Variants in CDH12 observed in about 807,000 individuals in gnomAD.
CDH12 encodes the protein cadherin-12.
CDH12 carries 41 observed loss-of-function variants against 74.1 expected under a neutral mutation model. That is an observed-to-expected ratio of 0.55 (90% CI 0.43 to 0.72). The LOEUF is 0.72. CDH12 is among the 30% of genes least tolerant of loss of function. CDH12 has a pLI of 0.00. For synonymous variants in CDH12, 399 were observed against 355.0 expected (o/e 1.12, Z -1.39); for missense variants, 945 against 977.2 (o/e 0.97, Z 0.44).
chr5:22,219,481 T>A (rs1380320660), intron 3 of CDH12, among the ~76,000 whole-genome samples: 1 of 151,706 alleles, frequency 6.6e-6, no homozygotes, highest in African/African-American at 2.4e-5. Context: ...CAAAAGTCAA[T>A]AATTTGCTGC....
intron 4 of CDH12, among the ~76,000 whole-genome samples, chr5:22,164,470 G>A (rs963628228): frequency 4.6e-5 from 7 of 152,184 alleles, no homozygotes; most frequent in Non-Finnish European, 2.9e-5. Flanking sequence ...GGAAGTCAGC[G>A]GAGGGTCTGT....
At chr5:21,936,546 C>T (rs1030177731) in intron 6 of CDH12, among the ~76,000 whole-genome samples, 10 of 152,068 alleles carry the variant, frequency 6.6e-5, no homozygotes, top group Non-Finnish European at 1.3e-4. Context: ...CAAATAATAG[C>T]TACAAATTTT....
At chr5:22,788,420 C>T (rs547546626) in intron 1 of CDH12, among the ~76,000 whole-genome samples, 39 of 150,732 alleles carry the variant, frequency 2.6e-4, no homozygotes, top group African/African-American at 8.0e-4. Context: ...GAGAGAAAGA[C>T]GAAGGAAAAG....
intron 4 of CDH12, among the ~76,000 whole-genome samples, chr5:22,189,930 G>A (rs1242574584): frequency 6.6e-6 from 1 of 151,910 alleles, no homozygotes; most frequent in Non-Finnish European, 1.5e-5. Context: ...TTGCTTCACA[G>A]CTGGTGAATG....
At chr5:22,179,628 G>A (rs563868601) in intron 4 of CDH12, among the ~76,000 whole-genome samples, 1 of 152,170 alleles carries the variant, frequency 6.6e-6, no homozygotes, top group South Asian at 2.1e-4. Flanking sequence ...TAGCTCCTGT[G>A]GGTCAGAATA....
chr5:22,404,690 G>T (rs1235246483), intron 3 of CDH12, among the ~76,000 whole-genome samples: 1 of 152,120 alleles, frequency 6.6e-6, no homozygotes, highest in Non-Finnish European at 1.5e-5. Context: ...AGTGAGGAAA[G>T]AATAATTACA....
chr5:22,391,429 C>T (rs1171731467), intron 3 of CDH12, among the ~76,000 whole-genome samples: 1 of 152,008 alleles, frequency 6.6e-6, no homozygotes, highest in Non-Finnish European at 1.5e-5. Context: ...TACAAAACAA[C>T]AAAATTTGGG....
chr5:22,280,417 A>T lies in CDH12; in HGVS notation c.-332-67774T>A, dbSNP rs546546202. 2.4e-3 allele frequency among the ~76,000 whole-genome samples: 373 copies of T among 152,278 alleles called. 3 individuals carry two copies. Among genetic ancestry groups the T allele is most frequent in the African/African-American group, 8.8e-3 (367 of 41,568 alleles). On this transcript the variant is annotated intron_variant, in intron 3 of 14. Transcript: ENST00000382254. ...TAGAGACACGAAAAACCCTTCAAAA[A>T]ATCAATGAATCCAGGAGCTGGTTTT...
chr5:22,254,047 C>T (rs1753224721), intron 3 of CDH12, among the ~76,000 whole-genome samples: 1 of 151,718 alleles, frequency 6.6e-6, no homozygotes, highest in Admixed American at 6.6e-5. Flanking sequence ...GGAAAATGAA[C>T]TCAAGAAGTT....
intron 6 of CDH12, among the ~76,000 whole-genome samples, chr5:21,856,855 T>A (rs1348816195): frequency 1.3e-5 from 2 of 151,876 alleles, no homozygotes; most frequent in South Asian, 4.1e-4. Context: ...TTCAGCTGTA[T>A]CTATAGAATT....
chr5:22,267,556 G>GT (rs1234229297), intron 3 of CDH12, among the ~76,000 whole-genome samples: 2 of 152,116 alleles, frequency 1.3e-5, no homozygotes, highest in Non-Finnish European at 2.9e-5. Context: ...GACCTCAGCT[G>GT]TATTCAAAGG....
chr5:22,637,766 A>T (rs1366378748), intron 1 of CDH12, among the ~76,000 whole-genome samples: 1 of 152,232 alleles, frequency 6.6e-6, no homozygotes, highest in East Asian at 1.9e-4. Flanking sequence ...TATTGAGTGT[A>T]TCAATGAAAA....
chr5:22,392,180 A>C (rs1283079905), intron 3 of CDH12, among the ~76,000 whole-genome samples: 2 of 152,166 alleles, frequency 1.3e-5, no homozygotes, highest in Non-Finnish European at 2.9e-5. Flanking sequence ...GACATGAATG[A>C]GTAAGCTTCC....
chr5:22,514,027 T>C (rs1460450416), intron 1 of CDH12, among the ~76,000 whole-genome samples: 1 of 150,440 alleles, frequency 6.6e-6, no homozygotes, highest in Non-Finnish European at 1.5e-5. Context: ...TTTTAAGTAA[T>C]ATAAGTATAA....
chr5:22,100,694 CTTTTA>C (rs1240486442), intron 4 of CDH12, among the ~76,000 whole-genome samples: 1 of 151,046 alleles, frequency 6.6e-6, no homozygotes, highest in African/African-American at 2.4e-5. Flanking sequence ...CACATACACT[CTTTTA>C]TTTAGATAAC....
At chr5:22,652,243 A>G (rs1739783612) in intron 1 of CDH12, among the ~76,000 whole-genome samples, 1 of 152,176 alleles carries the variant, frequency 6.6e-6, no homozygotes, top group African/African-American at 2.4e-5. Context: ...CCTGCACAGC[A>G]CTTAAGAGAC....
chr5:22,503,121 T>C (rs1736239227), intron 2 of CDH12, among the ~76,000 whole-genome samples: 1 of 152,124 alleles, frequency 6.6e-6, no homozygotes, highest in African/African-American at 2.4e-5. Context: ...AGAATGCTCA[T>C]CTAACCATAT....
At chr5:22,698,321 A>G (rs1742493491) in intron 1 of CDH12, among the ~76,000 whole-genome samples, 1 of 151,220 alleles carries the variant, frequency 6.6e-6, no homozygotes, top group Admixed American at 6.6e-5. Context: ...GGGGTTCACC[A>G]TGTTGGTCAG....
At chr5:21,882,688 A>T in intron 6 of CDH12, 1 of 1,587,226 alleles carries the variant, frequency 6.3e-7, no homozygotes, top group Non-Finnish European at 8.6e-7. Flanking sequence ...AATTTGGTGC[A>T]GATGCCCGAG....
Sources: allele counts gnomAD v4.1 joint callset (sites outside exome capture counted in the v4.1 genomes callset), GRCh38; gene constraint gnomAD v4.1.1; transcripts MANE v1.5; gene names NCBI Gene and HGNC (gene_info 2026-07-23, HGNC 2026-07-21).